The following ATM variants were observed in gnomAD, a reference collection of about 807,000 sequenced individuals.
ATM encodes the protein ATM serine/threonine kinase.
ATM carries 308 observed loss-of-function variants against 387.0 expected under a neutral mutation model. The observed-to-expected ratio is 0.80, with a 90% CI of 0.73 to 0.87. The LOEUF (loss-of-function observed/expected upper bound fraction) is 0.87, where lower values mean the gene tolerates loss of function less well. Among genes scored for constraint, ATM ranks in the 40% least tolerant of loss-of-function variants. The pLI is 0.00. For missense variants in ATM, 3,312 were observed against 3,560.9 expected, an observed-to-expected ratio of 0.93 and a Z score of 1.78; for synonymous variants, 1,156 against 1,187.3, an observed-to-expected ratio of 0.97 and a Z score of 0.54.
chr11:108,321,504 CGGGCA>C (rs2085218186), intron 45 of ATM, 84 bp downstream of exon 45: 9 of 1,585,836 alleles, frequency 5.7e-6, no homozygotes, highest in African/African-American at 1.3e-5. Flanking sequence ...AACTATAGGC[CGGGCA>C]CGGTGGCTCA....
chr11:108,354,993 G>C, intron 61 of ATM, 119 bp downstream of exon 61: 4 of 889,232 alleles, frequency 4.5e-6, no homozygotes, highest in Non-Finnish European at 5.5e-6. Context: ...GATGTGGCTG[G>C]GCAGCAGAAA....
chr11:108,335,161 T>G (rs2086700852), intron 55 of ATM, 52 bp downstream of exon 55: 1 of 1,612,240 alleles, frequency 6.2e-7, no homozygotes, highest in Non-Finnish European at 8.5e-7. Flanking sequence ...GATGAAAATT[T>G]TTAGTTCATA....
chr11:108,303,144 A>C, intron 36 of ATM, 115 bp downstream of exon 36: 1 of 1,109,418 alleles, frequency 9.0e-7, no homozygotes, highest in South Asian at 1.5e-5. Context: ...AACTGTTGTA[A>C]ATTTATTAAA....
chr11:108,276,316 G>A (rs887295741), intron 22 of ATM, among the ~76,000 whole-genome samples: 1 of 152,094 alleles, frequency 6.6e-6, no homozygotes, highest in African/African-American at 2.4e-5. Flanking sequence ...TGCTCCTTTA[G>A]CTCAGAGGAG....
intron 3 of ATM, 46 bp from the exon 4 acceptor site, chr11:108,229,132 T>A (rs1565346489): frequency 6.4e-7 from 1 of 1,567,044 alleles, no homozygotes; most frequent in Admixed American, 1.8e-5. Context: ...TTATTATAAT[T>A]TAAGTATTCA....
Position 108,325,655 on chromosome 11 carries a change from T to A in ATM, c.6807+111T>A. ...TGTCATTAAGAGATAGAGATCTCTA[T>A]TAATATATAGTAAAAATAATTGTTT... On this transcript the variant is annotated intron_variant, in intron 46 of 62. Coordinates refer to ENST00000675843, the MANE Select transcript of ATM (RefSeq NM_000051.4). 3 of 905,754 alleles carry A rather than the reference T, an allele frequency of 3.3e-6. No homozygotes were observed. In the South Asian group the frequency reaches 4.8e-5, roughly 15 times the overall value. 56.1% of individuals were successfully genotyped at this position (905,754 alleles called of 1,614,324 possible).
In ATM at chr11:108,365,211, A is replaced by C; in HGVS notation, c.8980A>C (p.Asn2994His). Residue 2994 changes from asparagine (N) to histidine (H), a missense_variant, in exon 62 of 63, where the codon AAT becomes CAT. Coordinates refer to ENST00000675843, the MANE Select transcript of ATM (RefSeq NM_000051.4). The part of the protein sequence containing the change: ...LNADDQECKR[N>H]LSDIDQSFNK... ...TGCAGATGACCAAGAATGCAAACGAAATCTCAGGTGAGCAGTATTTTAAGA... is the reference window on the plus strand; with the variant it reads ...TGCAGATGACCAAGAATGCAAACGACATCTCAGGTGAGCAGTATTTTAAGA... 1 of 1,614,188 alleles carries C rather than the reference A, an allele frequency of 6.2e-7. No individual in the cohort carries two copies.
intron 9 of ATM, among the ~76,000 whole-genome samples, chr11:108,249,519 G>T (rs2080025836): frequency 6.6e-6 from 1 of 152,128 alleles, no homozygotes; most frequent in Non-Finnish European, 1.5e-5. Flanking sequence ...ATGATAAAAA[G>T]TTATTTTCTC....
chr11:108,261,979 T>A (rs1231520966), intron 16 of ATM, among the ~76,000 whole-genome samples: 3 of 152,128 alleles, frequency 2.0e-5, no homozygotes, highest in Non-Finnish European at 2.9e-5. Flanking sequence ...AATATGGGAC[T>A]ATGGGAAAAG....
rs587782729 is a variant in ATM, at chr11:108,250,843, A to C, written c.1378A>C (p.Thr460Pro). 1.2e-6 allele frequency: 2 copies of C among 1,614,188 alleles called. No homozygotes were observed. The highest frequency in any genetic ancestry group is 1.7e-6 in the Non-Finnish European group (2 of 1,180,038). Residue 460 changes from threonine to proline, a missense_variant, in exon 10 of 63, where the codon ACG becomes CCG. Transcript: ENST00000675843. The stretch of plus-strand genomic sequence containing the variant: ...TACACCATATGTGTTACGATGCCTT[A>C]CGGAAGTTGCATTGTGTCAAGACAA... ...ERTPYVLRCL[T>P]EVALCQDKRS... is the part of the protein sequence containing the mutation.
At chr11:108,244,644 T>A (rs1591502705) in intron 6 of ATM, 144 bp from the exon 7 acceptor site, 1 of 714,724 alleles carries the variant, frequency 1.4e-6, no homozygotes, top group Non-Finnish European at 2.4e-6. Flanking sequence ...TTTTTTTTTT[T>A]AATGAATAGT....
At chr11:108,263,682 G>A (rs951034228) in intron 16 of ATM, among the ~76,000 whole-genome samples, 1 of 148,778 alleles carries the variant, frequency 6.7e-6, no homozygotes, top group African/African-American at 2.5e-5. Flanking sequence ...AAAAATTAAT[G>A]AATCCAGGAG....
chr11:108,268,029 A>G (rs912392492), intron 17 of ATM, among the ~76,000 whole-genome samples: 2 of 152,200 alleles, frequency 1.3e-5, no homozygotes, highest in Admixed American at 1.3e-4. Flanking sequence ...TTTAATTATA[A>G]GTATTTTTCC....
chr11:108,359,528 T>C (rs905160728), intron 61 of ATM, among the ~76,000 whole-genome samples: 7 of 151,968 alleles, frequency 4.6e-5, no homozygotes, highest in South Asian at 2.1e-4. Context: ...TATTCCAAAA[T>C]TGACCCCATA....
intron 1 of ATM, chr11:108,224,521 C>A (rs1470145426): frequency 1.3e-5 from 2 of 152,212 alleles, no homozygotes; most frequent in Non-Finnish European, 2.9e-5. Flanking sequence ...TGGTGACACT[C>A]ATACTCTAGT....
At chr11:108,237,993 C>T (rs2079378632) in intron 5 of ATM, among the ~76,000 whole-genome samples, 1 of 145,096 alleles carries the variant, frequency 6.9e-6, no homozygotes, top group Admixed American at 7.0e-5. Flanking sequence ...GTGGCACGAT[C>T]TCACCTCACT....
At chr11:108,312,625 T>A in intron 40 of ATM, 127 bp downstream of exon 40, 2 of 676,840 alleles carry the variant, frequency 3.0e-6, no homozygotes, top group Non-Finnish European at 5.1e-6. Flanking sequence ...AAGCATCATA[T>A]ATATAAAATT....
At chr11:108,353,706 A>G (rs761306969) in intron 59 of ATM, 60 bp from the exon 60 acceptor site, 83 of 1,353,898 alleles carry the variant, frequency 6.1e-5, no homozygotes, top group Non-Finnish European at 8.7e-5. Context: ...TCACATTCTA[A>G]CTGGAAAGAA....
At chr11:108,330,773 T>C (rs189617731) in intron 50 of ATM, among the ~76,000 whole-genome samples, 1 of 152,308 alleles carries the variant, frequency 6.6e-6, no homozygotes, top group East Asian at 1.9e-4. Flanking sequence ...CAGTTAAAGA[T>C]GATGTGATCA....
Sources: allele counts gnomAD v4.1 joint callset (sites outside exome capture counted in the v4.1 genomes callset), GRCh38; gene constraint gnomAD v4.1.1; transcripts MANE v1.5; gene names NCBI Gene and HGNC (gene_info 2026-07-23, HGNC 2026-07-21).